The following TRIM5 variants were observed in gnomAD, a reference collection of about 807,000 sequenced individuals.
The protein encoded by TRIM5 is tripartite motif-containing protein 5.
In TRIM5, 31 loss-of-function variants were observed where a neutral mutation model predicts 35.6. The observed-to-expected ratio is 0.87, with a 90% CI of 0.65 to 1.18. The LOEUF (loss-of-function observed/expected upper bound fraction) is 1.18. Among genes scored for constraint, TRIM5 ranks in the 50% most tolerant of loss-of-function variants. The pLI is 0.00. For missense variants in TRIM5, 609 were observed against 591.6 expected (o/e 1.03, Z -0.31); for synonymous variants, 243 against 215.6 (o/e 1.13, Z -1.11).
Position 5,680,035 on chromosome 11 carries a change from A to C in TRIM5, c.143T>G (p.Leu48Arg). 6.2e-7 allele frequency: 1 copy of C among 1,614,128 alleles called. No homozygotes were observed. The part of the protein sequence containing the change: ...CLTANHKKSM[L>R]DKGESSCPVC... ...AGGGCAGCTACTCTCTCCTTTGTCT[A>C]GCATGGACTTCTTGTGGTTTGCAGT... The change falls in exon 2 of 8, where the codon CTA becomes CGA. Residue 48 changes from leucine to arginine, a missense_variant. Leu to Arg is a moderately radical substitution (Grantham distance 102, BLOSUM62 -2). Coordinates refer to ENST00000380034, the MANE Select transcript of TRIM5 (RefSeq NM_033034.3).
chr11:5,665,896 A>C, intron 6 of TRIM5, 85 bp downstream of exon 6: 2 of 1,392,308 alleles, frequency 1.4e-6, no homozygotes, highest in Non-Finnish European at 9.8e-7. Context: ...CTCTATCCAT[A>C]TTTGGAAACT....
At position 5,664,201 on chromosome 11, in the gene TRIM5, CAAAAAAAA is replaced by C; in HGVS notation, c.*600_*607del. ...GGGGAACAAGAGCAAAACTTCATCT[CAAAAAAAA>C]AAAAAAAGAAAAAAGAAAAGAAAAG... On this transcript the variant is annotated 3_prime_UTR_variant, in exon 8 of 8. Coordinates refer to ENST00000380034, the MANE Select transcript of TRIM5 (RefSeq NM_033034.3). 2.6e-6 allele frequency: 2 copies of C among 765,414 alleles called. No individual in the cohort carries two copies. The highest frequency in any genetic ancestry group is 3.1e-6 in the Non-Finnish European group (2 of 648,672). The allele number at this position is 765,414 out of a possible 1,614,324, so 47.4% of individuals were successfully genotyped here.
chr11:5,662,697 A>G (rs919629482), downstream of TRIM5, among the ~76,000 whole-genome samples: 2 of 152,250 alleles, frequency 1.3e-5, no homozygotes, highest in Non-Finnish European at 2.9e-5. Flanking sequence ...AAAACTTTCT[A>G]CAAGAAAAAT....
At position 5,678,214 on chromosome 11, in the gene TRIM5, T is replaced by G; in HGVS notation, c.734A>C (p.Glu245Ala). 5 of 1,609,454 alleles carry G rather than the reference T, an allele frequency of 3.1e-6. No individual in the cohort carries two copies. Among genetic ancestry groups the G allele is most frequent in the Non-Finnish European group, 4.2e-6 (5 of 1,176,626 alleles). ...CTTTCCACTTTTTACCTGAAGCAGC[T>G]CCATCACTGACCCCTGCAGCCGATG... The part of the protein sequence containing the change: ...LEHRLQGSVM[E>A]LLQGVDGVIK... Residue 245 changes from glutamate (E) to alanine (A), a missense_variant, in exon 4 of 8, where the codon GAG (glutamate) becomes GCG (alanine). Glu to Ala is a moderately radical substitution (Grantham distance 107). Coordinates refer to ENST00000380034, the MANE Select transcript of TRIM5 (RefSeq NM_033034.3).
chr11:5,627,400 T>A, the TRIM5 span, among the ~76,000 whole-genome samples: 2 of 151,792 alleles, frequency 1.3e-5, no homozygotes, highest in African/African-American at 4.8e-5. Flanking sequence ...GGAAGGGCAA[T>A]GATAGTATCA....
At chr11:5,608,898 TG>T in the TRIM5 span, among the ~76,000 whole-genome samples, 1 of 134,752 alleles carries the variant, frequency 7.4e-6, no homozygotes, top group Non-Finnish European at 1.5e-5. Context: ...TCGCCCAGGC[TG>T]GAGTGCAGTG....
the TRIM5 span, chr11:5,608,431 C>T: frequency 7.4e-6 from 12 of 1,611,734 alleles, no homozygotes; most frequent in Non-Finnish European, 1.0e-5. Context: ...TTCCCCTGGA[C>T]TGACAAATGA....
chr11:5,679,894 C>T lies in TRIM5; in HGVS notation c.284G>A (p.Cys95Tyr), dbSNP rs749087471. 1.2e-5 allele frequency: 20 copies of T among 1,614,020 alleles called. No homozygotes were observed. The highest frequency in any genetic ancestry group is 1.5e-5 in the Non-Finnish European group (18 of 1,180,032). ...TAGAAGTTTCTCTCCATGGCGTGCA[C>T]AATGATCAACTTTCTGCCCCTCTGG... ...LSPEGQKVDH[C>Y]ARHGEKLLLF... is the part of the protein sequence containing the mutation. The change falls in exon 2 of 8, where the codon TGT becomes TAT. Residue 95 changes from cysteine (C) to tyrosine (Y), a missense_variant. Physicochemically the swap from Cys to Tyr is radical, Grantham distance 194. Transcript: ENST00000380034.
the TRIM5 span, chr11:5,619,727 C>G: frequency 5.7e-3 from 535 of 94,290 alleles, 5 homozygotes; most frequent in African/African-American, 0.021. Context: ...TTTTTTGAGA[C>G]TGAGCCTCAC....
At chr11:5,641,921 G>T in the TRIM5 span, among the ~76,000 whole-genome samples, 1 of 152,118 alleles carries the variant, frequency 6.6e-6, no homozygotes, top group Non-Finnish European at 1.5e-5. Flanking sequence ...TTCCACTGGA[G>T]TTCAGGCTTT....
In TRIM5 at chr11:5,663,689, G is replaced by C. The variant is rs1850918187; in HGVS notation, c.*1120C>G. 3 of 600,966 alleles carry C rather than the reference G, an allele frequency of 5.0e-6. No homozygotes were observed. Among genetic ancestry groups the C allele is most frequent in the Non-Finnish European group, 6.3e-6 (3 of 478,802 alleles). The allele number at this position is 600,966 out of a possible 1,614,324, so 37.2% of individuals were successfully genotyped here. On this transcript the variant is annotated 3_prime_UTR_variant, in exon 8 of 8. Transcript: ENST00000380034. ...TTTATGTGGTACAGTGTGATGTTTT[G>C]ATACATGTATACATTGCGTAATAAC...
At chr11:5,633,794 C>G in the TRIM5 span, 1 of 1,612,612 alleles carries the variant, frequency 6.2e-7, no homozygotes, top group Non-Finnish European at 8.5e-7. Context: ...GTGTGATTCC[C>G]TTCTCATAGG....
downstream of TRIM5, among the ~76,000 whole-genome samples, chr11:5,658,254 C>T (rs1026843707): frequency 1.3e-5 from 2 of 152,266 alleles, no homozygotes; most frequent in African/African-American, 4.8e-5. Context: ...ACCAATGGAC[C>T]GATGCAGAGA....
Position 5,679,900 on chromosome 11 carries a change from T to A in TRIM5, c.278A>T (p.Asp93Val). The A allele has an allele frequency of 1.9e-6, 3 of 1,613,904 alleles. No individual in the cohort carries two copies. The highest frequency in any genetic ancestry group is 2.5e-6 in the Non-Finnish European group (3 of 1,180,002). The change falls in exon 2 of 8, where the codon GAT becomes GTT. Residue 93 changes from aspartate to valine, a missense_variant. Asp to Val is a radical substitution (Grantham distance 152). Transcript: ENST00000380034. ...VKLSPEGQKV[D>V]HCARHGEKLL... ...TTTCTCTCCATGGCGTGCACAATGATCAACTTTCTGCCCCTCTGGGCTCAA... is the reference window on the plus strand; with the variant it reads ...TTTCTCTCCATGGCGTGCACAATGAACAACTTTCTGCCCCTCTGGGCTCAA...
chr11:5,680,349 A>G, intron 1 of TRIM5, 111 bp from the exon 2 acceptor site: 1 of 643,490 alleles, frequency 1.6e-6, no homozygotes, highest in Non-Finnish European at 2.4e-6. Flanking sequence ...TAAGGACAAA[A>G]AAAGGGGAGA....
the TRIM5 span, among the ~76,000 whole-genome samples, chr11:5,636,278 T>G: frequency 6.6e-6 from 1 of 152,226 alleles, no homozygotes; most frequent in Non-Finnish European, 1.5e-5. Flanking sequence ...ACACAAGTTC[T>G]TTTTTGTATG....
rs1044543368 is a variant in TRIM5, at chr11:5,669,170, C to T, written c.745-1459G>A. On this transcript the variant is annotated intron_variant, in intron 4 of 7. Transcript: ENST00000380034. Reference sequence around the variant, plus strand: ...TCTCAGCTCACCGCAACCTCCACCTCCTGGGTTCAAGCGATTCTCCTGCCT... The same window carrying T: ...TCTCAGCTCACCGCAACCTCCACCTTCTGGGTTCAAGCGATTCTCCTGCCT... Among the ~76,000 whole-genome samples the T allele has an allele frequency of 9.2e-5, 14 of 151,932 alleles. No homozygotes were observed. The East Asian group carries it at 2.5e-3, about 27-fold the overall frequency.
chr11:5,679,114 T>TGCTG lies in TRIM5; in HGVS notation c.472_473insCAGC (p.Glu158AlafsTer6). 1.2e-6 allele frequency: 2 copies of TGCTG among 1,614,118 alleles called. No homozygotes were observed. Among genetic ancestry groups the TGCTG allele is most frequent in the Non-Finnish European group, 1.7e-6 (2 of 1,179,982 alleles). On this transcript the variant is annotated frameshift_variant, in exon 3 of 8. Coordinates refer to ENST00000380034, the MANE Select transcript of TRIM5 (RefSeq NM_033034.3). LOFTEE classifies it high-confidence loss of function. ...CTCTTCTCTGATGTCAGCTTCTAAC[T>TGCTG]CTTCAGCTTCCTGCTGCTTCTGCCT...
chr11:5,652,192 G>A, the TRIM5 span, among the ~76,000 whole-genome samples: 35 of 152,086 alleles, frequency 2.3e-4, no homozygotes, highest in African/African-American at 7.9e-4. Context: ...GTCAACATTT[G>A]TTTTTGTTGC....
Sources: gnomAD v4.1 joint callset for allele counts (sites outside exome capture counted in the v4.1 genomes callset) on GRCh38, gnomAD v4.1.1 for gene constraint, MANE v1.5 for transcripts, NCBI Gene and HGNC (gene_info 2026-07-23, HGNC 2026-07-21) for gene names.